Variants in JPH1 observed in about 807,000 individuals in gnomAD.
JPH1 encodes junctophilin-1.
A neutral mutation model predicts 53.6 loss-of-function variants in JPH1; 12 were observed. The ratio of observed to expected loss-of-function variants is 0.22; its 90% CI spans 0.14 to 0.36. The LOEUF is 0.36. JPH1 is among the 10% of genes least tolerant of loss of function. The pLI is 1.00. For synonymous variants in JPH1, 375 were observed against 363.8 expected (o/e 1.03, Z -0.35); for missense variants, 808 against 905.5 (o/e 0.89, Z 1.38).
At chr8:74,257,309 TC>T (rs1034015836) in intron 3 of JPH1, among the ~76,000 whole-genome samples, 1 of 152,214 alleles carries the variant, frequency 6.6e-6, no homozygotes, top group Non-Finnish European at 1.5e-5. Context: ...ATATTTTTTT[TC>T]CCTTCAAATG....
At chr8:74,284,312 T>A (rs1807098925) in intron 2 of JPH1, among the ~76,000 whole-genome samples, 1 of 152,190 alleles carries the variant, frequency 6.6e-6, no homozygotes, top group African/African-American at 2.4e-5. Context: ...GCACTGTAGG[T>A]AGTAACTTTT....
At position 74,321,291 on chromosome 8, in the gene JPH1, G is replaced by C. The variant is rs376299337; in HGVS notation, c.-4C>G. ...AGTCGAACCTTCCGCCCGTCATTCG[G>C]GGGGCAGCCCCGGCGCGCTCCCCGC... On this transcript the variant is annotated 5_prime_UTR_variant, in exon 1 of 6. Coordinates refer to ENST00000342232, the MANE Select transcript of JPH1 (RefSeq NM_020647.4). This position sits in a 1 kb window ranked among gnomAD's most constrained non-coding sequence, Gnocchi z 4.3. 7.2e-5 allele frequency: 112 copies of C among 1,558,608 alleles called. No individual in the cohort carries two copies. In the Admixed American group the frequency reaches 1.7e-3, roughly 24 times the overall value.
At chr8:74,294,432 G>A (rs60274823) in intron 2 of JPH1, among the ~76,000 whole-genome samples, 4,558 of 152,214 alleles carry the variant, frequency 0.03, 217 homozygotes, top group African/African-American at 0.1. Flanking sequence ...AAGCAGGCCC[G>A]GATGTCCCTG....
chr8:74,309,805 C>T (rs565230150), intron 2 of JPH1, among the ~76,000 whole-genome samples: 1 of 152,310 alleles, frequency 6.6e-6, no homozygotes, highest in African/African-American at 2.4e-5. Flanking sequence ...TGATCTTGGG[C>T]AGAGCCTCAG....
intron 2 of JPH1, among the ~76,000 whole-genome samples, chr8:74,265,672 G>A (rs1306248576): frequency 2.0e-5 from 3 of 152,046 alleles, no homozygotes; most frequent in Non-Finnish European, 2.9e-5. Flanking sequence ...TCTTTAAAAC[G>A]TAATCACTGC....
intron 2 of JPH1, among the ~76,000 whole-genome samples, chr8:74,312,441 G>T: frequency 6.6e-6 from 1 of 152,056 alleles, no homozygotes; most frequent in African/African-American, 2.4e-5. Context: ...CAGAGACGGG[G>T]GTCTCACTAT....
At position 74,250,351 on chromosome 8, in the gene JPH1, G is replaced by A. The variant is rs527471843; in HGVS notation, c.1259-5176C>T. ...TTTCACCATGTTGGTCAGGCTGGTC[G>A]TGAACTCCTGGCCTCACATGATCTG... On this transcript the variant is annotated intron_variant, in intron 3 of 5. Coordinates refer to ENST00000342232, the MANE Select transcript of JPH1 (RefSeq NM_020647.4). 5.3e-5 allele frequency among the ~76,000 whole-genome samples: 8 copies of A among 152,144 alleles called. No individual in the cohort carries two copies. The South Asian group carries it at 1.5e-3, about 28-fold the overall frequency.
rs563842531 is a variant in JPH1, at chr8:74,259,673, T to C, written c.1140-170A>G. On this transcript the variant is annotated intron_variant, in intron 2 of 5. Transcript: ENST00000342232. ...CCGTGAAATTTCAATGAAGATGACA[T>C]AGATGAAACTAAACTACCCATGAAT... is the stretch of plus-strand genomic sequence containing the variant. 9.2e-5 allele frequency among the ~76,000 whole-genome samples: 14 copies of C among 152,272 alleles called. 1 individual carries two copies. The South Asian group carries it at 1.2e-3, about 14-fold the overall frequency.
Position 74,315,236 on chromosome 8 carries a change from G to A in JPH1, c.764C>T (p.Ser255Phe). The change falls in exon 2 of 6, where the codon TCC becomes TTC. Residue 255 changes from serine (S) to phenylalanine (F), a missense_variant. Transcript: ENST00000342232. The surrounding 1 kb of genome is among the most constrained non-coding windows in gnomAD (Gnocchi z 6.3). Reference protein sequence around the residue: ...MSRISSSDANSTISFGDVDCD... With the variant: ...MSRISSSDANFTISFGDVDCD... ...ATCTACATCGCCAAAGCTGATCGTG[G>A]AGTTGGCATCGCTGGAACTAATTCT... 2 of 1,614,206 alleles carry A rather than the reference G, an allele frequency of 1.2e-6. No individual in the cohort carries two copies. The highest frequency in any genetic ancestry group is 1.7e-6 in the Non-Finnish European group (2 of 1,180,040).
chr8:74,308,167 C>T (rs962765335), intron 2 of JPH1, among the ~76,000 whole-genome samples: 5 of 152,172 alleles, frequency 3.3e-5, no homozygotes, highest in African/African-American at 1.2e-4. Flanking sequence ...CTGTCAAATA[C>T]AAAAGCTAAG....
At chr8:74,267,708 C>A (rs895950117) in intron 2 of JPH1, among the ~76,000 whole-genome samples, 1 of 152,124 alleles carries the variant, frequency 6.6e-6, no homozygotes, top group African/African-American at 2.4e-5. Flanking sequence ...AGAAAGGAAG[C>A]AGGAAATCTG....
intron 3 of JPH1, among the ~76,000 whole-genome samples, chr8:74,254,354 T>G (rs1806155665): frequency 6.6e-6 from 1 of 152,090 alleles, no homozygotes; most frequent in African/African-American, 2.4e-5. Flanking sequence ...CTCTTCATGC[T>G]AAAAACTCTC....
rs1808111203 is a variant in JPH1 at position 74,315,243 on chromosome 8, C to T, written c.757G>A (p.Ala253Thr). The change falls in exon 2 of 6, where the codon GCC becomes ACC. Residue 253 changes from alanine to threonine, a missense_variant. This residue lies in a region of JPH1 where 756 missense variants were observed against 811.9 expected (regional missense o/e 0.93). Coordinates refer to ENST00000342232, the MANE Select transcript of JPH1 (RefSeq NM_020647.4). The surrounding 1 kb of genome is among the most constrained non-coding windows in gnomAD (Gnocchi z 6.3). ...AAMSRISSSD[A>T]NSTISFGDVD... ...TCGCCAAAGCTGATCGTGGAGTTGG[C>T]ATCGCTGGAACTAATTCTGCTCATG... 1 of 1,614,108 alleles carries T rather than the reference C, an allele frequency of 6.2e-7. No homozygotes were observed. The highest frequency in any genetic ancestry group is 1.3e-5 in the African/African-American group (1 of 74,952).
intron 2 of JPH1, among the ~76,000 whole-genome samples, chr8:74,287,240 T>C (rs1807192606): frequency 1.3e-5 from 2 of 152,142 alleles, no homozygotes; most frequent in African/African-American, 4.8e-5. Context: ...GAGACCAGCC[T>C]GGCCAACATG....
chr8:74,257,438 A>G (rs1806271451), intron 3 of JPH1, among the ~76,000 whole-genome samples: 1 of 152,212 alleles, frequency 6.6e-6, no homozygotes, highest in South Asian at 2.1e-4. Flanking sequence ...ATTCCCCAAC[A>G]GAATTAACAG....
chr8:74,284,783 T>C (rs1486847589), intron 2 of JPH1, among the ~76,000 whole-genome samples: 2 of 150,982 alleles, frequency 1.3e-5, no homozygotes, highest in African/African-American at 2.5e-5. Context: ...TTTTTTTTTT[T>C]CATAGACCGG....
chr8:74,272,147 C>A (rs1806718041), intron 2 of JPH1, among the ~76,000 whole-genome samples: 1 of 152,184 alleles, frequency 6.6e-6, no homozygotes, highest in Non-Finnish European at 1.5e-5. Context: ...AAATAATCAA[C>A]CCTGGCTGTC....
chr8:74,271,020 G>C (rs933407041), intron 2 of JPH1, among the ~76,000 whole-genome samples: 6 of 152,200 alleles, frequency 3.9e-5, no homozygotes, highest in African/African-American at 1.4e-4. Context: ...AACTTGAATG[G>C]AACTACTCCT....
Position 74,315,583 on chromosome 8 carries a change from A to T in JPH1, c.417T>A (p.His139Gln). Residue 139 changes from histidine to glutamine, a missense_variant, in exon 2 of 6, where the codon CAT becomes CAA. Around this residue, in one of 2 missense-constraint regions of JPH1, gnomAD observed 756 missense variants for 811.9 expected, o/e 0.93. Coordinates refer to ENST00000342232, the MANE Select transcript of JPH1 (RefSeq NM_020647.4). This position sits in a 1 kb window ranked among gnomAD's most constrained non-coding sequence, Gnocchi z 6.3. ...GCACGCTCTGGCGCACGCCGTAGCC[A>T]TGCCGCATGCCTCCGGCCCACTGGC... Reference protein sequence around the residue: ...YQGQWAGGMRHGYGVRQSVPY... With the variant: ...YQGQWAGGMRQGYGVRQSVPY... The T allele has an allele frequency of 6.2e-7, 1 of 1,604,546 alleles. No individual in the cohort carries two copies. The highest frequency in any genetic ancestry group is 2.2e-5 in the East Asian group (1 of 44,762).
Sources: allele counts gnomAD v4.1 joint callset (sites outside exome capture counted in the v4.1 genomes callset), GRCh38; gene constraint gnomAD v4.1.1; regional missense constraint gnomAD v4.1.1; non-coding constraint Gnocchi (gnomAD v3.1); transcripts MANE v1.5; gene names NCBI Gene and HGNC (gene_info 2026-07-23, HGNC 2026-07-21).